FBXL17: variants seen among roughly 807,000 people sequenced by gnomAD.
FBXL17 encodes the protein F-box and leucine rich repeat protein 17.
Under a neutral mutation model 66.2 loss-of-function variants are expected in FBXL17, and 22 were observed. The ratio of observed to expected loss-of-function variants is 0.33; its 90% CI spans 0.24 to 0.47. The LOEUF (loss-of-function observed/expected upper bound fraction) is 0.47, where lower values mean the gene tolerates loss of function less well. Ranked by LOEUF, FBXL17 falls within the 20% of genes least tolerant of loss-of-function variation. The pLI, the probability that FBXL17 is intolerant of heterozygous loss-of-function variation, is 1.00. For synonymous variants in FBXL17, 474 were observed against 400.5 expected (o/e 1.18, Z -2.19); for missense variants, 878 against 948.2 (o/e 0.93, Z 0.97).
At chr5:108,288,785 GTC>G (rs758379860) in intron 4 of FBXL17, among the ~76,000 whole-genome samples, 4 of 151,952 alleles carry the variant, frequency 2.6e-5, no homozygotes, top group African/African-American at 4.8e-5. Flanking sequence ...GAAAACAGCT[GTC>G]TCTGTGGAGA....
In FBXL17 at chr5:108,366,551, CCAGTAGCGGG is replaced by C. The variant is rs901455153; in HGVS notation, c.1116+1270_1116+1279del. Among the ~76,000 whole-genome samples, 97 of 151,620 alleles carry C rather than the reference CCAGTAGCGGG, an allele frequency of 6.4e-4. 2 individuals carry two copies. The highest frequency in any genetic ancestry group is 1.3e-4 in the Non-Finnish European group (9 of 67,870). On this transcript the variant is annotated intron_variant, in intron 2 of 8. Transcript: ENST00000542267. Reference sequence around the variant, plus strand: ...ACTTTTTCATCTCCACACCTTACTACCAGTAGCGGGCTGGGTGGGGAGGGGGTTTGGGTGG... The same window carrying C: ...ACTTTTTCATCTCCACACCTTACTACCTGGGTGGGGAGGGGGTTTGGGTGG...
Position 108,256,148 on chromosome 5 carries a change from A to G in FBXL17, c.1507-31920T>C, listed in dbSNP as rs1756568675. Among the ~76,000 whole-genome samples the G allele has an allele frequency of 2.0e-5, 3 of 152,274 alleles. No individual in the cohort carries two copies. The South Asian group carries it at 6.2e-4, about 32-fold the overall frequency. On this transcript the variant is annotated intron_variant, in intron 4 of 8. Transcript: ENST00000542267. Reference sequence around the variant, plus strand: ...CATTTCGGTTATTTGCATATATCTCATCTCCTGACAAGATCACAACTTCCT... The same window carrying G: ...CATTTCGGTTATTTGCATATATCTCGTCTCCTGACAAGATCACAACTTCCT...
chr5:108,229,025 C>T (rs2150082720), intron 4 of FBXL17, among the ~76,000 whole-genome samples: 1 of 152,250 alleles, frequency 6.6e-6, no homozygotes, highest in South Asian at 2.1e-4. Context: ...AAGTGTAGTT[C>T]TCATTCCAGC....
chr5:107,935,407 A>ATGTGTGTGTG (rs1180619112), intron 7 of FBXL17, among the ~76,000 whole-genome samples: 3 of 31,178 alleles, frequency 9.6e-5, no homozygotes, highest in African/African-American at 5.5e-4. Flanking sequence ...CTTTATATAT[A>ATGTGTGTGTG]TATATGTGTG....
At chr5:108,108,983 A>AT (rs1749924798) in intron 6 of FBXL17, among the ~76,000 whole-genome samples, 1 of 151,940 alleles carries the variant, frequency 6.6e-6, no homozygotes, top group Admixed American at 6.6e-5. Flanking sequence ...GGGGTTCTCC[A>AT]TGTTGGTCAG....
At chr5:108,146,112 G>A (rs1157441210) in intron 6 of FBXL17, among the ~76,000 whole-genome samples, 9 of 152,096 alleles carry the variant, frequency 5.9e-5, no homozygotes, top group Admixed American at 5.9e-4. Flanking sequence ...GGCACCTGCA[G>A]TCCCAGCTAC....
chr5:108,325,134 T>A (rs1186706732), intron 4 of FBXL17, among the ~76,000 whole-genome samples: 1 of 152,108 alleles, frequency 6.6e-6, no homozygotes, highest in Non-Finnish European at 1.5e-5. Context: ...ACACTGTGAA[T>A]GTACTCACCG....
chr5:108,313,933 A>C (rs1759239066), intron 4 of FBXL17, among the ~76,000 whole-genome samples: 1 of 151,938 alleles, frequency 6.6e-6, no homozygotes, highest in Admixed American at 6.6e-5. Context: ...ACTAATATGA[A>C]TCTTTAGTTA....
intron 7 of FBXL17, among the ~76,000 whole-genome samples, chr5:107,924,493 A>G (rs1051614551): frequency 7.9e-5 from 12 of 152,314 alleles, no homozygotes; most frequent in Middle Eastern, 3.4e-3. Context: ...ATTATTCAGA[A>G]TAAGATGGGT....
At chr5:108,104,069 CTT>C (rs2149943907) in intron 6 of FBXL17, among the ~76,000 whole-genome samples, 1 of 152,254 alleles carries the variant, frequency 6.6e-6, no homozygotes, top group South Asian at 2.1e-4. Context: ...CAGCTTCACT[CTT>C]GTTGCCCAAG....
chr5:108,171,306 T>A (rs1221786304), intron 6 of FBXL17, among the ~76,000 whole-genome samples: 1 of 152,192 alleles, frequency 6.6e-6, no homozygotes, highest in Non-Finnish European at 1.5e-5. Context: ...ATTTTTAAAT[T>A]CAGAATAAGG....
At chr5:108,121,158 T>C (rs1360149228) in intron 6 of FBXL17, among the ~76,000 whole-genome samples, 3 of 151,932 alleles carry the variant, frequency 2.0e-5, no homozygotes, top group Non-Finnish European at 4.4e-5. Flanking sequence ...TGAAATCCTG[T>C]CTCTATTGAA....
chr5:108,381,838 G>A lies in FBXL17; in HGVS notation c.-147C>T, dbSNP rs1293474192. 1.5e-6 allele frequency: 2 copies of A among 1,294,782 alleles called. No homozygotes were observed. The highest frequency in any genetic ancestry group is 1.5e-5 in the African/African-American group (1 of 64,770). The allele number at this position is 1,294,782 out of a possible 1,614,324, so 80.2% of individuals were successfully genotyped here. On this transcript the variant is annotated 5_prime_UTR_variant, in exon 1 of 9. Transcript: ENST00000542267. ...CACACACGCACACACGGGCACACAC[G>A]CGACGGTGGGGGGTGGGCGTCAGCT...
At chr5:107,942,342 A>G (rs956677377) in intron 7 of FBXL17, among the ~76,000 whole-genome samples, 4 of 152,090 alleles carry the variant, frequency 2.6e-5, no homozygotes, top group African/African-American at 4.8e-5. Context: ...TTCCACAGCC[A>G]TTTTTTCAAA....
chr5:108,357,224 GAA>G (rs897511766), intron 3 of FBXL17, among the ~76,000 whole-genome samples: 1 of 152,026 alleles, frequency 6.6e-6, no homozygotes, highest in African/African-American at 2.4e-5. Flanking sequence ...TTCAGAAGAA[GAA>G]AAGTTATCAG....
chr5:108,101,730 G>C (rs933606817), intron 6 of FBXL17, among the ~76,000 whole-genome samples: 1 of 152,168 alleles, frequency 6.6e-6, no homozygotes, highest in Non-Finnish European at 1.5e-5. Context: ...CATGGGCAGG[G>C]AAAAGTATTG....
At chr5:107,914,069 C>T (rs1200998691) in intron 7 of FBXL17, among the ~76,000 whole-genome samples, 1 of 148,410 alleles carries the variant, frequency 6.7e-6, no homozygotes, top group Admixed American at 6.8e-5. Flanking sequence ...TATAGGAATA[C>T]TTCATTATAG....
At chr5:108,154,130 A>T (rs1297494313) in intron 6 of FBXL17, among the ~76,000 whole-genome samples, 1 of 152,062 alleles carries the variant, frequency 6.6e-6, no homozygotes, top group Non-Finnish European at 1.5e-5. Flanking sequence ...ACCTTCCATC[A>T]AACAGCAAAC....
At chr5:108,061,987 T>C (rs913344963) in intron 6 of FBXL17, among the ~76,000 whole-genome samples, 2 of 152,034 alleles carry the variant, frequency 1.3e-5, no homozygotes, top group African/African-American at 4.8e-5. Context: ...GCTCCTCTGA[T>C]GAAAAGTGGC....
Sources: gnomAD v4.1 joint callset for allele counts (sites outside exome capture counted in the v4.1 genomes callset) on GRCh38, gnomAD v4.1.1 for gene constraint, MANE v1.5 for transcripts, NCBI Gene and HGNC (gene_info 2026-07-23, HGNC 2026-07-21) for gene names.